The following ADGRG6 variants were observed in gnomAD, a reference collection of about 807,000 sequenced individuals.
The protein encoded by ADGRG6 is adhesion G protein-coupled receptor G6.
A neutral mutation model predicts 142.4 loss-of-function variants in ADGRG6; 84 were observed. The ratio of observed to expected loss-of-function variants is 0.59; its 90% CI spans 0.49 to 0.71. The LOEUF is 0.71. ADGRG6 is among the 30% of genes least tolerant of loss of function. ADGRG6 has a pLI of 0.00. For synonymous variants in ADGRG6, 521 were observed against 520.5 expected, an observed-to-expected ratio of 1.00 and a Z score of -0.01; for missense variants, 1,367 against 1,466.6, an observed-to-expected ratio of 0.93 and a Z score of 1.11.
intron 9 of ADGRG6, among the ~76,000 whole-genome samples, chr6:142,397,134 A>G (rs1056215841): frequency 1.3e-5 from 2 of 152,158 alleles, no homozygotes; most frequent in Admixed American, 6.5e-5. Flanking sequence ...TATCACATTC[A>G]TGAATAGTAA....
Position 142,383,863 on chromosome 6 carries a change from T to G in ADGRG6, c.1222+20T>G. ...GGAATGGTAAGAAATCATTACCTTT[T>G]ATATTTTTAGTATGTCTAACATAAA... On this transcript the variant is annotated intron_variant, in intron 6 of 24. Transcript: ENST00000367609. The G allele has an allele frequency of 8.1e-7, 1 of 1,229,474 alleles. No homozygotes were observed. The highest frequency in any genetic ancestry group is 1.2e-6 in the Non-Finnish European group (1 of 835,934). 76.2% of individuals were successfully genotyped at this position (1,229,474 alleles called of 1,614,324 possible). A position where few individuals can be genotyped will look rare whatever the true frequency, so the allele number is the denominator to read the frequency against.
In ADGRG6 at chr6:142,405,740, C is replaced by G. The variant is rs1775771728; in HGVS notation, c.2180C>G (p.Pro727Arg). The G allele has an allele frequency of 2.5e-6, 4 of 1,608,152 alleles. No homozygotes were observed. Among genetic ancestry groups the G allele is most frequent in the South Asian group, 2.2e-5 (2 of 90,556 alleles). ...VDPLASVILP[P>R]NLLENLSPED... ...CCACTGGCATCTGTAATTTTGCCTC[C>G]AAACTTACTTGAGAATTTAAGTCCA... Residue 727 changes from proline (P) to arginine (R), a missense_variant, in exon 15 of 25, where the codon CCA becomes CGA. Coordinates refer to ENST00000367609, the MANE Select transcript of ADGRG6 (RefSeq NM_198569.3).
intron 2 of ADGRG6, among the ~76,000 whole-genome samples, chr6:142,326,492 C>T (rs943544026): frequency 6.7e-6 from 1 of 149,618 alleles, no homozygotes; most frequent in African/African-American, 2.5e-5. Flanking sequence ...CAATAGTGAT[C>T]GTGAGTTTTC....
chr6:142,435,622 T>TAA (rs1384268244), intron 22 of ADGRG6, among the ~76,000 whole-genome samples: 2 of 152,140 alleles, frequency 1.3e-5, no homozygotes, highest in Non-Finnish European at 2.9e-5. Flanking sequence ...TCAATAAACA[T>TAA]TCATTAAGTT....
intron 9 of ADGRG6, among the ~76,000 whole-genome samples, chr6:142,395,518 G>A (rs775391388): frequency 3.9e-5 from 6 of 152,104 alleles, no homozygotes; most frequent in African/African-American, 9.7e-5. Context: ...ATCAGCCATC[G>A]TTAGTACATG....
chr6:142,442,046 A>G (rs781558163), intron 24 of ADGRG6, among the ~76,000 whole-genome samples: 1 of 152,184 alleles, frequency 6.6e-6, no homozygotes, highest in South Asian at 2.1e-4. Context: ...AGCAATTTGA[A>G]TAGTTTCCAA....
chr6:142,388,421 C>T (rs1008003010), intron 6 of ADGRG6, among the ~76,000 whole-genome samples: 12 of 151,974 alleles, frequency 7.9e-5, no homozygotes, highest in African/African-American at 2.9e-4. Flanking sequence ...CTAGTGGTGG[C>T]TTTTCAGATA....
intron 3 of ADGRG6, among the ~76,000 whole-genome samples, chr6:142,369,856 G>A (rs1781149344): frequency 6.6e-6 from 1 of 152,114 alleles, no homozygotes; most frequent in African/African-American, 2.4e-5. Context: ...GGTAGTTGGG[G>A]TTTTTAAATT....
intron 2 of ADGRG6, among the ~76,000 whole-genome samples, chr6:142,334,692 G>A (rs1054071803): frequency 5.9e-5 from 9 of 152,134 alleles, no homozygotes; most frequent in South Asian, 2.1e-4. Flanking sequence ...AGTTTGAATC[G>A]GGTGAACCTG....
At chr6:142,418,519 A>G (rs925142294) in intron 21 of ADGRG6, among the ~76,000 whole-genome samples, 1 of 152,134 alleles carries the variant, frequency 6.6e-6, no homozygotes, top group African/African-American at 2.4e-5. Context: ...ACATTATTCC[A>G]GGGACATTTA....
At chr6:142,315,005 T>TGTGTGTGTGTGTG (rs1554229843) in intron 2 of ADGRG6, among the ~76,000 whole-genome samples, 7 of 150,646 alleles carry the variant, frequency 4.6e-5, no homozygotes, top group East Asian at 1.9e-4. Flanking sequence ...TGTGTGTGTG[T>TGTGTGTGTGTGTG]TATACAGTCT....
In ADGRG6 at chr6:142,443,472, ATAT is replaced by A. The variant is rs759729348; in HGVS notation, c.3714_3716del (p.Ile1239del). 1.1e-5 allele frequency: 18 copies of A among 1,612,202 alleles called. No homozygotes were observed. Among genetic ancestry groups the A allele is most frequent in the Middle Eastern group, 3.3e-4 (2 of 6,048 alleles). On this transcript the variant is annotated inframe_deletion, in exon 25 of 25. Coordinates refer to ENST00000367609, the MANE Select transcript of ADGRG6 (RefSeq NM_198569.3). ...GCTCATTCAGACAACTTCTATAAAA[ATAT>A]TATCATGTCAGACACCTTCAGCCAC...
intron 2 of ADGRG6, among the ~76,000 whole-genome samples, chr6:142,362,026 G>C (rs577332555): frequency 6.6e-6 from 1 of 152,238 alleles, no homozygotes; most frequent in South Asian, 2.1e-4. Flanking sequence ...TTTGCAGTCA[G>C]GCATGGAATG....
chr6:142,429,310 G>A (rs1177512948), intron 22 of ADGRG6, among the ~76,000 whole-genome samples: 2 of 152,170 alleles, frequency 1.3e-5, no homozygotes, highest in Non-Finnish European at 2.9e-5. Context: ...CATGAAAGTT[G>A]AGCTGTTACA....
chr6:142,329,045 C>T (rs1433670312), intron 2 of ADGRG6, among the ~76,000 whole-genome samples: 1 of 152,094 alleles, frequency 6.6e-6, no homozygotes, highest in African/African-American at 2.4e-5. Flanking sequence ...GGTGTTATTA[C>T]TTACACTTCA....
At chr6:142,336,477 C>T (rs1779323325) in intron 2 of ADGRG6, among the ~76,000 whole-genome samples, 1 of 152,116 alleles carries the variant, frequency 6.6e-6, no homozygotes, top group Admixed American at 6.5e-5. Flanking sequence ...GGGGTTGTGT[C>T]TGGGGTTGAA....
In ADGRG6 at chr6:142,411,384, C is replaced by A. The variant is rs370822329; in HGVS notation, c.2514C>A (p.Asn838Lys). 5 of 1,594,290 alleles carry A rather than the reference C, an allele frequency of 3.1e-6. No homozygotes were observed. Among genetic ancestry groups the A allele is most frequent in the Non-Finnish European group, 4.3e-6 (5 of 1,162,124 alleles). ...SDASETVCLC[N>K]HFTHFGVLMD... ...CAAGTGAGACAGTCTGCCTGTGTAA[C>A]CACTTCACACACTTTGGAGTTCTGA... is the stretch of plus-strand genomic sequence containing the variant. Residue 838 changes from asparagine (N) to lysine (K), a missense_variant, in exon 18 of 25, where the codon AAC (asparagine) becomes AAA (lysine). Transcript: ENST00000367609.
At chr6:142,379,145 G>T (rs1463746797) in intron 4 of ADGRG6, among the ~76,000 whole-genome samples, 1 of 152,132 alleles carries the variant, frequency 6.6e-6, no homozygotes, top group Non-Finnish European at 1.5e-5. Flanking sequence ...CCCCACCTAA[G>T]TCTGCTCTTC....
chr6:142,439,714 A>C (rs538151135), intron 24 of ADGRG6, among the ~76,000 whole-genome samples: 1 of 152,324 alleles, frequency 6.6e-6, no homozygotes, highest in East Asian at 1.9e-4. Flanking sequence ...AATTGAATGA[A>C]GGCTGTTGAT....
Sources: allele counts gnomAD v4.1 joint callset (sites outside exome capture counted in the v4.1 genomes callset), GRCh38; gene constraint gnomAD v4.1.1; transcripts MANE v1.5; gene names NCBI Gene and HGNC (gene_info 2026-07-23, HGNC 2026-07-21).